The following PACRG variants were observed in gnomAD, a reference collection of about 807,000 sequenced individuals.
PACRG encodes the protein parkin coregulated gene protein.
A neutral mutation model predicts 29.7 loss-of-function variants in PACRG; 29 were observed. The ratio of observed to expected loss-of-function variants is 0.98; its 90% CI spans 0.73 to 1.33. The LOEUF (loss-of-function observed/expected upper bound fraction) is 1.33, where lower values mean the gene tolerates loss of function less well. Ranked by LOEUF, PACRG falls within the 40% of genes most tolerant of loss-of-function variation. The pLI, the probability that PACRG is intolerant of heterozygous loss-of-function variation, is 0.00. For missense variants in PACRG, 279 were observed against 316.2 expected, an observed-to-expected ratio of 0.88 and a Z score of 0.89; for synonymous variants, 116 against 118.7, an observed-to-expected ratio of 0.98 and a Z score of 0.15.
chr6:163,184,824 C>G (rs1027724269), intron 4 of PACRG: 3 of 152,072 alleles, frequency 2.0e-5, no homozygotes, highest in Non-Finnish European at 2.9e-5. Flanking sequence ...AGAAAGCTCA[C>G]CATTCTTGAA....
chr6:162,898,972 G>A (rs2128053907), intron 2 of PACRG, among the ~76,000 whole-genome samples: 1 of 152,228 alleles, frequency 6.6e-6, no homozygotes, highest in East Asian at 1.9e-4. Flanking sequence ...TGTCTAATAT[G>A]AACACTTATA....
chr6:163,017,609 G>GA (rs145560429), intron 2 of PACRG, among the ~76,000 whole-genome samples: 1,889 of 152,044 alleles, frequency 0.012, 48 homozygotes, highest in African/African-American at 0.043. Context: ...CAGAGAAATA[G>GA]AAAAAAATGA....
intron 2 of PACRG, among the ~76,000 whole-genome samples, chr6:162,876,148 A>G (rs1164759862): frequency 6.6e-6 from 1 of 152,128 alleles, no homozygotes; most frequent in Non-Finnish European, 1.5e-5. Context: ...ATTCATGGTC[A>G]CCATCATAGG....
intron 2 of PACRG, among the ~76,000 whole-genome samples, chr6:162,992,431 C>G (rs1191775020): frequency 2.7e-5 from 4 of 148,308 alleles, no homozygotes; most frequent in African/African-American, 7.5e-5. Context: ...TGTTATTGGT[C>G]TATTCAGAGA....
chr6:162,847,121 C>T (rs1790471038), intron 2 of PACRG, among the ~76,000 whole-genome samples: 1 of 152,168 alleles, frequency 6.6e-6, no homozygotes, highest in Non-Finnish European at 1.5e-5. Context: ...CTGTGCTCCC[C>T]ACACTGTGAT....
chr6:162,886,219 G>A (rs1794323001), intron 2 of PACRG, among the ~76,000 whole-genome samples: 1 of 151,996 alleles, frequency 6.6e-6, no homozygotes, highest in Non-Finnish European at 1.5e-5. Flanking sequence ...CATTGCCCCC[G>A]GGCTTGCAAG....
chr6:163,027,474 T>G (rs1207602360), intron 2 of PACRG, among the ~76,000 whole-genome samples: 2 of 152,224 alleles, frequency 1.3e-5, no homozygotes, highest in Non-Finnish European at 1.5e-5. Context: ...TAGAATTCAT[T>G]TAATGTCCCT....
At chr6:163,296,484 G>T (rs1196697708) in intron 4 of PACRG, among the ~76,000 whole-genome samples, 1 of 152,054 alleles carries the variant, frequency 6.6e-6, no homozygotes, top group Non-Finnish European at 1.5e-5. Context: ...TAGTAGAGAC[G>T]GGGTTTCACC....
At chr6:163,024,420 T>C (rs1806924534) in intron 2 of PACRG, among the ~76,000 whole-genome samples, 1 of 152,208 alleles carries the variant, frequency 6.6e-6, no homozygotes, top group African/African-American at 2.4e-5. Context: ...CTCTCTTCTG[T>C]TCCATTGATC....
intron 2 of PACRG, among the ~76,000 whole-genome samples, chr6:162,934,654 GTTTC>G (rs1278605776): frequency 2.0e-5 from 3 of 151,988 alleles, no homozygotes; most frequent in African/African-American, 7.3e-5. Flanking sequence ...TATATCCTTT[GTTTC>G]TTTCTTCCTC....
chr6:163,139,099 G>T (rs1817051031), intron 4 of PACRG, among the ~76,000 whole-genome samples: 1 of 152,262 alleles, frequency 6.6e-6, no homozygotes, highest in Non-Finnish European at 1.5e-5. Context: ...AAGGCCAGAA[G>T]CTCAACATCA....
intron 2 of PACRG, among the ~76,000 whole-genome samples, chr6:163,053,294 A>C (rs1280702723): frequency 6.6e-6 from 1 of 152,220 alleles, no homozygotes; most frequent in Non-Finnish European, 1.5e-5. Context: ...ACAGACACAC[A>C]CATACATATA....
At chr6:163,067,372 G>A (rs1366080836) in intron 3 of PACRG, among the ~76,000 whole-genome samples, 1 of 152,170 alleles carries the variant, frequency 6.6e-6, no homozygotes, top group Admixed American at 6.5e-5. Flanking sequence ...GGGTGGGAGG[G>A]GAAGAGATGA....
intron 4 of PACRG, among the ~76,000 whole-genome samples, chr6:163,164,949 A>G (rs1297843297): frequency 6.6e-6 from 1 of 150,914 alleles, no homozygotes; most frequent in African/African-American, 2.4e-5. Context: ...AAGATGCTGG[A>G]CAAGGGTTTG....
chr6:163,243,919 C>G (rs1585365500), intron 4 of PACRG, among the ~76,000 whole-genome samples: 1 of 152,186 alleles, frequency 6.6e-6, no homozygotes, highest in Non-Finnish European at 1.5e-5. Context: ...TTGATGGTGT[C>G]TGTACAAAAA....
chr6:163,299,097 C>T (rs1312111618), intron 4 of PACRG, among the ~76,000 whole-genome samples: 1 of 152,194 alleles, frequency 6.6e-6, no homozygotes, highest in Non-Finnish European at 1.5e-5. Flanking sequence ...CATTCCCACT[C>T]TAGTCCAATA....
chr6:162,788,484 T>A (rs547973419), intron 1 of PACRG, among the ~76,000 whole-genome samples: 1 of 152,364 alleles, frequency 6.6e-6, no homozygotes, highest in South Asian at 2.1e-4. Context: ...TGTGTGCAGA[T>A]TTTCATGTGG....
intron 2 of PACRG, among the ~76,000 whole-genome samples, chr6:162,820,328 A>G (rs1314752566): frequency 6.6e-6 from 1 of 152,026 alleles, no homozygotes; most frequent in African/African-American, 2.4e-5. Flanking sequence ...ATTTCTCAGC[A>G]GCATTGGTAT....
chr6:163,224,858 A>G (rs998752321), intron 4 of PACRG, among the ~76,000 whole-genome samples: 2 of 152,216 alleles, frequency 1.3e-5, no homozygotes, highest in African/African-American at 4.8e-5. Flanking sequence ...GGATTATATC[A>G]AACTAAAAAG....
Sources: gnomAD v4.1 joint callset for allele counts (sites outside exome capture counted in the v4.1 genomes callset) on GRCh38, gnomAD v4.1.1 for gene constraint, MANE v1.5 for transcripts, NCBI Gene and HGNC (gene_info 2026-07-23, HGNC 2026-07-21) for gene names.